Variants in CCL28 observed in about 807,000 individuals in gnomAD.
CCL28 encodes C-C motif chemokine 28.
Under a neutral mutation model 7.1 loss-of-function variants are expected in CCL28, and 4 were observed. The observed-to-expected ratio is 0.56, with a 90% CI of 0.28 to 1.29. The LOEUF (loss-of-function observed/expected upper bound fraction) is 1.29. Ranked by LOEUF, CCL28 falls within the 50% of genes most tolerant of loss-of-function variation. The probability of loss-of-function intolerance (pLI) is 0.11; values close to 1 mark genes in which losing one functional copy is unlikely to be tolerated. For missense variants in CCL28, 151 were observed against 163.4 expected (o/e 0.92, Z 0.41); for synonymous variants, 55 against 57.8 (o/e 0.95, Z 0.22).
At chr5:43,368,079 A>C in the CCL28 span, among the ~76,000 whole-genome samples, 5 of 152,116 alleles carry the variant, frequency 3.3e-5, no homozygotes, top group African/African-American at 1.2e-4. Context: ...AGGCTCCACC[A>C]CTTAAAGGGT....
the CCL28 span, among the ~76,000 whole-genome samples, chr5:43,366,757 C>T: frequency 6.6e-6 from 1 of 152,292 alleles, no homozygotes; most frequent in East Asian, 1.9e-4. Context: ...GCAGCCCCTT[C>T]CCCCAGGTGC....
chr5:43,361,523 G>A, the CCL28 span, among the ~76,000 whole-genome samples: 3 of 152,220 alleles, frequency 2.0e-5, no homozygotes, highest in Admixed American at 2.0e-4. Context: ...TTTTGCTTTT[G>A]TTGCAAGTGC....
chr5:43,364,954 C>T, the CCL28 span, among the ~76,000 whole-genome samples: 75,082 of 149,560 alleles, frequency 0.5, 19,320 homozygotes, highest in Middle Eastern at 0.62. Context: ...ATGTGTGTCT[C>T]TGCATGTGAG....
At chr5:43,382,502 G>C (rs188597913) in intron 2 of CCL28, among the ~76,000 whole-genome samples, 15 of 152,276 alleles carry the variant, frequency 9.9e-5, no homozygotes, top group Non-Finnish European at 8.8e-5. Context: ...GATTCTCTCA[G>C]CTAGATGCCG....
In CCL28 at chr5:43,412,379, C is replaced by A; in HGVS notation, c.-63G>T. 1 of 1,474,326 alleles carries A rather than the reference C, an allele frequency of 6.8e-7. No individual in the cohort carries two copies. The allele number at this position is 1,474,326 out of a possible 1,614,324, so 91.3% of individuals were successfully genotyped here. ...GAGGCTGTTCGATCAGGAAATGAGG[C>A]TAAAGGTGTCCTTGGGCACAGAGAA... On this transcript the variant is annotated 5_prime_UTR_variant, in exon 1 of 3. Coordinates refer to ENST00000361115, the MANE Select transcript of CCL28 (RefSeq NM_148672.3).
chr5:43,375,402 T>TCTAC (rs1739869834), downstream of CCL28, among the ~76,000 whole-genome samples: 1 of 102,180 alleles, frequency 9.8e-6, no homozygotes, highest in Non-Finnish European at 1.9e-5. Context: ...TAAAAACTCA[T>TCTAC]CTACCAATCC....
chr5:43,376,393 G>A (rs1161626469), downstream of CCL28, among the ~76,000 whole-genome samples: 1 of 152,212 alleles, frequency 6.6e-6, no homozygotes, highest in Non-Finnish European at 1.5e-5. Context: ...CCCACCTAGA[G>A]TACATGGGAG....
chr5:43,362,976 A>G, the CCL28 span, among the ~76,000 whole-genome samples: 76,924 of 152,080 alleles, frequency 0.51, 19,999 homozygotes, highest in Middle Eastern at 0.62. Flanking sequence ...TTATGCAACC[A>G]GTATGATTTG....
chr5:43,370,734 CTT>C, the CCL28 span, among the ~76,000 whole-genome samples: 346 of 102,588 alleles, frequency 3.4e-3, 5 homozygotes, highest in African/African-American at 0.014. Flanking sequence ...CTTTATCTCT[CTT>C]TCTCTCTCTT....
At chr5:43,398,446 A>AT (rs1296429702) in intron 1 of CCL28, among the ~76,000 whole-genome samples, 1 of 152,136 alleles carries the variant, frequency 6.6e-6, no homozygotes, top group Non-Finnish European at 1.5e-5. Context: ...CAGAGCAGAC[A>AT]TTTTTCTAAC....
the CCL28 span, among the ~76,000 whole-genome samples, chr5:43,362,950 T>C: frequency 6.6e-6 from 1 of 152,242 alleles, no homozygotes; most frequent in Non-Finnish European, 1.5e-5. Flanking sequence ...ATGATTCAGA[T>C]ACCTGAAATA....
chr5:43,386,877 TAA>T (rs1039572368), intron 2 of CCL28, among the ~76,000 whole-genome samples: 19 of 152,172 alleles, frequency 1.2e-4, no homozygotes, highest in African/African-American at 3.9e-4. Flanking sequence ...CCCAGCTGGA[TAA>T]AGAGTCCCCT....
chr5:43,402,978 T>C (rs973849352), intron 1 of CCL28, among the ~76,000 whole-genome samples: 3 of 152,194 alleles, frequency 2.0e-5, no homozygotes, highest in Non-Finnish European at 4.4e-5. Flanking sequence ...CGTCTGCCAT[T>C]GCTGAGGCTT....
chr5:43,399,103 G>C lies in CCL28; in HGVS notation c.65-10627C>G, dbSNP rs149735499. 3.8e-3 allele frequency among the ~76,000 whole-genome samples: 582 copies of C among 152,272 alleles called. 2 individuals carry two copies. The highest frequency in any genetic ancestry group is 5.4e-3 in the Admixed American group (83 of 15,284). On this transcript the variant is annotated intron_variant, in intron 1 of 2. Transcript: ENST00000361115. ...CCACAGGCACCCCAAACTCAACAGA[G>C]CCGCAACTGAAGACATCATCTCCTG... is the stretch of plus-strand genomic sequence containing the variant.
downstream of CCL28, among the ~76,000 whole-genome samples, chr5:43,374,607 C>T (rs950279488): frequency 2.0e-5 from 3 of 152,090 alleles, no homozygotes; most frequent in South Asian, 6.2e-4. Context: ...ATGGTGAAAC[C>T]CCATCTCTAC....
chr5:43,407,174 A>C (rs1309886464), intron 1 of CCL28, among the ~76,000 whole-genome samples: 2 of 152,188 alleles, frequency 1.3e-5, no homozygotes, highest in Non-Finnish European at 2.9e-5. Context: ...AAAGGAGCCC[A>C]CGTTGCCAAG....
downstream of CCL28, among the ~76,000 whole-genome samples, chr5:43,377,716 A>ATTT (rs1561151287): frequency 2.2e-5 from 1 of 45,656 alleles, no homozygotes; most frequent in Admixed American, 1.8e-4. Flanking sequence ...TAGAACTTAA[A>ATTT]CTTTTTTTTT....
intron 2 of CCL28, among the ~76,000 whole-genome samples, chr5:43,387,349 C>T (rs1740382242): frequency 6.6e-6 from 1 of 152,174 alleles, no homozygotes; most frequent in Non-Finnish European, 1.5e-5. Flanking sequence ...TTTATGCTTT[C>T]CTCACAGCAT....
At chr5:43,371,919 A>C (rs2111637715), downstream of CCL28, among the ~76,000 whole-genome samples, 1 of 152,358 alleles carries the variant, frequency 6.6e-6, no homozygotes, top group East Asian at 1.9e-4. Flanking sequence ...GAGCACAAGC[A>C]TCTGCTGCTT....
Sources: allele counts gnomAD v4.1 joint callset (sites outside exome capture counted in the v4.1 genomes callset), GRCh38; gene constraint gnomAD v4.1.1; transcripts MANE v1.5; gene names NCBI Gene and HGNC (gene_info 2026-07-23, HGNC 2026-07-21).